The following AFAP1L2 variants were observed in gnomAD, a reference collection of about 807,000 sequenced individuals.
The protein encoded by AFAP1L2 is actin filament associated protein 1 like 2, also known as actin filament-associated protein 1-like 2.
AFAP1L2 carries 46 observed loss-of-function variants against 99.3 expected under a neutral mutation model. The ratio of observed to expected loss-of-function variants is 0.46; its 90% CI spans 0.37 to 0.59. The LOEUF (loss-of-function observed/expected upper bound fraction) is 0.59. Ranked by LOEUF, AFAP1L2 falls within the 20% of genes least tolerant of loss-of-function variation. AFAP1L2 has a pLI of 0.00. For missense variants in AFAP1L2, 959 were observed against 1,034.9 expected (o/e 0.93, Z 1.01); for synonymous variants, 397 against 419.1 (o/e 0.95, Z 0.64).
chr10:114,315,666 C>A lies in AFAP1L2; in HGVS notation c.506G>T (p.Gly169Val). ...GCGGGCGTCACGCATCAGCTCGATG[C>A]CGGCCTCCGGCGAGGGCCACTGGTA... ...APYQWPSPEA[G>V]IELMRDARIC... is the part of the protein sequence containing the mutation. Residue 169 changes from glycine (G) to valine (V), a missense_variant, in exon 6 of 19, where the codon GGC (glycine) becomes GTC (valine). Gly to Val is a moderately radical substitution (Grantham distance 109). Transcript: ENST00000304129. 2 of 1,613,854 alleles carry A rather than the reference C, an allele frequency of 1.2e-6. No individual in the cohort carries two copies. Among genetic ancestry groups the A allele is most frequent in the East Asian group, 4.5e-5 (2 of 44,884 alleles).
intron 1 of AFAP1L2, among the ~76,000 whole-genome samples, chr10:114,375,857 G>A (rs1403477292): frequency 2.6e-5 from 4 of 152,118 alleles, no homozygotes; most frequent in African/African-American, 9.7e-5. Context: ...CTACACAGGA[G>A]GCTGAGGCAG....
At position 114,340,747 on chromosome 10, in the gene AFAP1L2, A is replaced by C; in HGVS notation, c.17-16T>G. ...TGTTCCAGGGCTAGGGACAGGAAAC[A>C]GAAGAAACTTATAGTGGCTGCCCGC... On this transcript the variant is annotated splice_polypyrimidine_tract_variant and intron_variant, in intron 1 of 18. Coordinates refer to ENST00000304129, the MANE Select transcript of AFAP1L2 (RefSeq NM_001001936.3). 6.2e-7 allele frequency: 1 copy of C among 1,614,134 alleles called. No homozygotes were observed. Among genetic ancestry groups the C allele is most frequent in the African/African-American group, 1.3e-5 (1 of 75,058 alleles).
intron 1 of AFAP1L2, 132 bp downstream of exon 1, chr10:114,404,308 C>T: frequency 9.2e-7 from 1 of 1,085,888 alleles, no homozygotes; most frequent in Non-Finnish European, 1.4e-6. Flanking sequence ...CTCTTAGGCC[C>T]AGGTCCGGGC....
In AFAP1L2 at chr10:114,294,898, T is replaced by G; in HGVS notation, c.*1144A>C. The G allele has an allele frequency of 1.0e-6, 1 of 981,704 alleles. No homozygotes were observed. The highest frequency in any genetic ancestry group is 1.2e-6 in the Non-Finnish European group (1 of 827,370). 60.8% of individuals were successfully genotyped at this position (981,704 alleles called of 1,614,324 possible). On this transcript the variant is annotated 3_prime_UTR_variant, in exon 19 of 19. Coordinates refer to ENST00000304129, the MANE Select transcript of AFAP1L2 (RefSeq NM_001001936.3). ...TTGGTAAAAGGTCACCAAATGTTTA[T>G]GAGAGAGGAAATAAGAATAAAAAAG...
chr10:114,295,122 T>TTGTTCTTGGAAGGAGAATG lies in AFAP1L2; in HGVS notation c.*901_*919dup. On this transcript the variant is annotated 3_prime_UTR_variant, in exon 19 of 19. Transcript: ENST00000304129. ...ATCACCCTAACCAAAAATCACCACT[T>TTGTTCTTGGAAGGAGAATG]TGTTCTTGGAAGGAGAATGAACATT... 1 of 985,642 alleles carries TTGTTCTTGGAAGGAGAATG rather than the reference T, an allele frequency of 1.0e-6. No individual in the cohort carries two copies. The highest frequency in any genetic ancestry group is 1.2e-6 in the Non-Finnish European group (1 of 829,896). 61.1% of individuals were successfully genotyped at this position (985,642 alleles called of 1,614,324 possible).
chr10:114,356,217 T>C (rs1478430477), intron 1 of AFAP1L2, among the ~76,000 whole-genome samples: 3 of 152,180 alleles, frequency 2.0e-5, no homozygotes, highest in Non-Finnish European at 4.4e-5. Context: ...TCTGGGGAAA[T>C]ACTCAGGAAT....
At chr10:114,301,705 T>TA in intron 12 of AFAP1L2, 1 of 542,110 alleles carries the variant, frequency 1.8e-6, no homozygotes. Flanking sequence ...CCCTTGCCCA[T>TA]ACGCCTCGTC....
At chr10:114,300,062 C>G (rs541197397) in intron 15 of AFAP1L2, 132 bp downstream of exon 15, 2 of 1,305,456 alleles carry the variant, frequency 1.5e-6, no homozygotes, top group South Asian at 1.4e-5. Context: ...GGGACTTGAC[C>G]TTGTGATCGT....
intron 1 of AFAP1L2, among the ~76,000 whole-genome samples, chr10:114,367,092 A>G (rs1479248596): frequency 1.3e-5 from 2 of 152,346 alleles, no homozygotes; most frequent in Non-Finnish European, 2.9e-5. Flanking sequence ...CACCACACCA[A>G]TGAACAAGGC....
intron 1 of AFAP1L2, among the ~76,000 whole-genome samples, chr10:114,380,547 C>G (rs2055468683): frequency 6.6e-6 from 1 of 152,146 alleles, no homozygotes; most frequent in African/African-American, 2.4e-5. Context: ...TACCCCTGCA[C>G]TATATATAAA....
the AFAP1L2 span, chr10:114,289,480 C>G: frequency 6.2e-7 from 1 of 1,614,202 alleles, no homozygotes; most frequent in Middle Eastern, 1.6e-4. Context: ...CATTGAGTGG[C>G]TGTGTGGAGG....
chr10:114,315,749 C>G lies in AFAP1L2; in HGVS notation c.423G>C (p.Val141=), dbSNP rs2044028120. 1.9e-6 allele frequency: 3 copies of G among 1,612,160 alleles called. No homozygotes were observed. The highest frequency in any genetic ancestry group is 2.5e-6 in the Non-Finnish European group (3 of 1,179,608). ...CATCGTAGGACTCGTAGGAGCTGCT[C>G]ACAGCCTCTCCGTCCTCTGCAAGGA... ...DTSLNEDGEA[V]SSSYESYDEE... is the part of the protein sequence containing the mutation. The change falls in exon 6 of 19, where the codon GTG becomes GTC. Residue 141 remains valine, a synonymous_variant. Transcript: ENST00000304129.
At chr10:114,349,970 C>A (rs1420892150) in intron 1 of AFAP1L2, among the ~76,000 whole-genome samples, 1 of 152,180 alleles carries the variant, frequency 6.6e-6, no homozygotes, top group African/African-American at 2.4e-5. Context: ...GAACAGCCCA[C>A]CCTCCACATT....
intron 1 of AFAP1L2, among the ~76,000 whole-genome samples, chr10:114,387,833 AAGACTC>A (rs1289123725): frequency 1.1e-4 from 17 of 152,124 alleles, no homozygotes; most frequent in African/African-American, 4.1e-4. Context: ...AAGCACTTGG[AAGACTC>A]TGGGTAGGTC....
the AFAP1L2 span, chr10:114,284,712 T>G: frequency 4.2e-6 from 3 of 709,940 alleles, no homozygotes; most frequent in African/African-American, 5.6e-5. Flanking sequence ...TGCTTTCCCC[T>G]CTCTGCTGCA....
intron 7 of AFAP1L2, among the ~76,000 whole-genome samples, chr10:114,312,803 C>T (rs1420337576): frequency 6.6e-6 from 1 of 152,202 alleles, no homozygotes; most frequent in Non-Finnish European, 1.5e-5. Context: ...CTGTCTTTCA[C>T]CACTTGAAGA....
At chr10:114,333,861 T>C (rs1345167865) in intron 2 of AFAP1L2, among the ~76,000 whole-genome samples, 1 of 152,176 alleles carries the variant, frequency 6.6e-6, no homozygotes, top group South Asian at 2.1e-4. Flanking sequence ...AGATCTGCCT[T>C]GTATTCCACC....
chr10:114,299,338 T>C lies in AFAP1L2; in HGVS notation c.2035A>G (p.Lys679Glu), dbSNP rs1175443705. The change falls in exon 16 of 19, where the codon AAG (lysine) becomes GAG (glutamate). Residue 679 changes from lysine (K) to glutamate (E), a missense_variant. This residue lies in a region of AFAP1L2 where 576 missense variants were observed against 562.1 expected (regional missense o/e 1.02). Coordinates refer to ENST00000304129, the MANE Select transcript of AFAP1L2 (RefSeq NM_001001936.3). ...TEEKERLEKK[K>E]EEIRGHLAQL... Reference sequence around the variant, plus strand: ...GCCAGGTGCCCCCGGATTTCTTCCTTCTTCTTTTCAAGCCTCTCCTTCTCC... The same window carrying C: ...GCCAGGTGCCCCCGGATTTCTTCCTCCTTCTTTTCAAGCCTCTCCTTCTCC... 4 of 1,614,106 alleles carry C rather than the reference T, an allele frequency of 2.5e-6. No homozygotes were observed. The African/African-American group carries it at 4.0e-5, about 16-fold the overall frequency.
intron 1 of AFAP1L2, among the ~76,000 whole-genome samples, chr10:114,376,542 T>A (rs1253308873): frequency 2.0e-5 from 3 of 152,226 alleles, no homozygotes; most frequent in Non-Finnish European, 2.9e-5. Flanking sequence ...CTCAGAAGAA[T>A]CACTGCTCCC....
Sources: allele counts gnomAD v4.1 joint callset (sites outside exome capture counted in the v4.1 genomes callset), GRCh38; gene constraint gnomAD v4.1.1; regional missense constraint gnomAD v4.1.1; transcripts MANE v1.5; gene names NCBI Gene and HGNC (gene_info 2026-07-23, HGNC 2026-07-21).